MDFIC2: variants seen among roughly 807,000 people sequenced by gnomAD.
MDFIC2 encodes myoD family inhibitor domain-containing protein 2.
intron 2 of MDFIC2, chr3:70,272,291 C>T (rs1378800492): frequency 1.5e-5 from 2 of 135,972 alleles, no homozygotes; most frequent in Admixed American, 1.5e-4. Context: ...ATCATCACAC[C>T]CTTACCAGCC....
chr3:70,227,979 T>C (rs1229845176), intron 2 of MDFIC2, among the ~76,000 whole-genome samples: 1 of 151,462 alleles, frequency 6.6e-6, no homozygotes, highest in Non-Finnish European at 1.5e-5. Context: ...GTAAGTATAA[T>C]ATAATAAATA....
intron 2 of MDFIC2, among the ~76,000 whole-genome samples, chr3:70,214,120 C>A (rs1423354600): frequency 6.6e-6 from 1 of 152,060 alleles, no homozygotes; most frequent in East Asian, 1.9e-4. Flanking sequence ...ATGGAGTATT[C>A]AATTGCTACA....
chr3:70,218,889 T>C (rs997551818), intron 2 of MDFIC2, among the ~76,000 whole-genome samples: 6 of 152,170 alleles, frequency 3.9e-5, no homozygotes, highest in Non-Finnish European at 8.8e-5. Flanking sequence ...TGAACTATTC[T>C]GAATATATTT....
At chr3:70,276,998 C>T (rs749846205) in intron 2 of MDFIC2, among the ~76,000 whole-genome samples, 1 of 151,956 alleles carries the variant, frequency 6.6e-6, no homozygotes, top group Non-Finnish European at 1.5e-5. Flanking sequence ...TTAAGGAACT[C>T]TTCACACACA....
chr3:70,205,134 T>C (rs1175231672), intron 3 of MDFIC2: 2 of 152,064 alleles, frequency 1.3e-5, no homozygotes, highest in Admixed American at 6.6e-5. Context: ...TAAATAAAAG[T>C]AATTATCAAC....
chr3:70,280,068 G>C (rs951296416), intron 2 of MDFIC2, among the ~76,000 whole-genome samples: 2 of 152,156 alleles, frequency 1.3e-5, no homozygotes, highest in Non-Finnish European at 2.9e-5. Context: ...GTGTCAGCAA[G>C]GCTGCACTCC....
At chr3:70,268,170 C>A (rs1701938976) in intron 2 of MDFIC2, among the ~76,000 whole-genome samples, 1 of 151,970 alleles carries the variant, frequency 6.6e-6, no homozygotes. Flanking sequence ...GCACAGCCAC[C>A]TTATTATCAA....
At chr3:70,237,525 A>G (rs1476276843) in intron 2 of MDFIC2, among the ~76,000 whole-genome samples, 1 of 152,238 alleles carries the variant, frequency 6.6e-6, no homozygotes, top group African/African-American at 2.4e-5. Context: ...ATGCTATGCT[A>G]AAATTGATGT....
chr3:70,207,631 AG>A (rs146337837), intron 2 of MDFIC2, among the ~76,000 whole-genome samples: 3,428 of 152,118 alleles, frequency 0.023, 102 homozygotes, highest in African/African-American at 0.077. Flanking sequence ...ATTCAGAAAA[AG>A]CTCCCCAAAT....
intron 2 of MDFIC2, among the ~76,000 whole-genome samples, chr3:70,300,172 T>G (rs2204109): frequency 0.21 from 31,891 of 152,042 alleles, 3,566 homozygotes; most frequent in South Asian, 0.28. Flanking sequence ...TGTCATTTTT[T>G]AGCATCTGCT....
At chr3:70,228,781 A>C (rs1241137464) in intron 2 of MDFIC2, among the ~76,000 whole-genome samples, 2 of 150,700 alleles carry the variant, frequency 1.3e-5, no homozygotes, top group Non-Finnish European at 1.5e-5. Flanking sequence ...TTTCATTTGC[A>C]TTCTCCTTTT....
At chr3:70,226,994 C>T (rs577238851) in intron 2 of MDFIC2, among the ~76,000 whole-genome samples, 29 of 152,194 alleles carry the variant, frequency 1.9e-4, no homozygotes, top group African/African-American at 7.0e-4. Context: ...TCTTGATTGA[C>T]AGGGGATGGA....
intron 2 of MDFIC2, among the ~76,000 whole-genome samples, chr3:70,222,429 T>G (rs1701468084): frequency 1.3e-5 from 2 of 152,212 alleles, no homozygotes; most frequent in Non-Finnish European, 1.5e-5. Flanking sequence ...TTTTAATAAT[T>G]GGTATTTATG....
At chr3:70,271,654 A>C (rs1303694841) in intron 2 of MDFIC2, 1 of 152,224 alleles carries the variant, frequency 6.6e-6, no homozygotes. Context: ...TCATCTAAGA[A>C]GGTCTCTGGA....
chr3:70,282,492 T>A (rs978977550), intron 2 of MDFIC2, among the ~76,000 whole-genome samples: 1 of 152,216 alleles, frequency 6.6e-6, no homozygotes, highest in Non-Finnish European at 1.5e-5. Context: ...GATTGGGCCC[T>A]GAGCCTCTGG....
rs1211072687 is a variant in MDFIC2 at position 70,196,821 on chromosome 3, A to T, written c.*105T>A. ...AATAAAATGGCCTATAGCATCCAAGAAATGTGTACAGTCCTTACATTTCAG... is the reference window on the plus strand; with the variant it reads ...AATAAAATGGCCTATAGCATCCAAGTAATGTGTACAGTCCTTACATTTCAG... On this transcript the variant is annotated 3_prime_UTR_variant, in exon 4 of 4. Coordinates refer to ENST00000567252, the MANE Select transcript of MDFIC2 (RefSeq NM_001364677.1). 2.5e-6 allele frequency: 1 copy of T among 397,266 alleles called. No homozygotes were observed. Among genetic ancestry groups the T allele is most frequent in the African/African-American group, 2.1e-5 (1 of 48,582 alleles). The allele number at this position is 397,266 out of a possible 1,614,324, so 24.6% of individuals were successfully genotyped here. A position where few individuals can be genotyped will look rare whatever the true frequency, so the allele number is the denominator to read the frequency against.
At chr3:70,201,349 C>T (rs1033244740) in intron 3 of MDFIC2, among the ~76,000 whole-genome samples, 2 of 152,180 alleles carry the variant, frequency 1.3e-5, no homozygotes, top group Non-Finnish European at 2.9e-5. Context: ...CATCCAGCTC[C>T]ATCCAAGTTC....
rs75646261 is a variant in MDFIC2 at position 70,241,534 on chromosome 3, A to T, written c.89-34744T>A. Among the ~76,000 whole-genome samples the T allele has an allele frequency of 6.8e-3, 1,035 of 152,240 alleles. 60 individuals carry two copies. In the East Asian group the frequency reaches 0.15, roughly 21 times the overall value. ...CCCTTTATTTTTATTATCACACTTG[A>T]ATCCTCATAACATTGCTAAAGGTAT... On this transcript the variant is annotated intron_variant, in intron 2 of 3. Transcript: ENST00000567252.
intron 2 of MDFIC2, among the ~76,000 whole-genome samples, chr3:70,294,028 A>G (rs1205854908): frequency 2.0e-5 from 3 of 152,110 alleles, no homozygotes; most frequent in African/African-American, 7.2e-5. Context: ...GTGTATTTTA[A>G]TATTTATCAA....
Sources: allele counts gnomAD v4.1 joint callset (sites outside exome capture counted in the v4.1 genomes callset), GRCh38; gene constraint gnomAD v4.1.1; transcripts MANE v1.5; gene names NCBI Gene and HGNC (gene_info 2026-07-23, HGNC 2026-07-21).